Variants in HJURP observed in about 807,000 individuals in gnomAD.
HJURP encodes the protein 14-3-3-associated AKT substrate.
HJURP carries 49 observed loss-of-function variants against 72.0 expected under a neutral mutation model. The observed-to-expected ratio is 0.68, with a 90% CI of 0.54 to 0.86. The LOEUF (loss-of-function observed/expected upper bound fraction) is 0.86, where lower values mean the gene tolerates loss of function less well. Among genes scored for constraint, HJURP ranks in the 40% least tolerant of loss-of-function variants. HJURP has a pLI of 0.00. For missense variants in HJURP, 908 were observed against 936.3 expected, an observed-to-expected ratio of 0.97 and a Z score of 0.39; for synonymous variants, 357 against 347.1, an observed-to-expected ratio of 1.03 and a Z score of -0.32.
chr2:233,854,226 G>C (rs1189628037), intron 1 of HJURP, among the ~76,000 whole-genome samples, 158 bp downstream of exon 1: 1 of 152,018 alleles, frequency 6.6e-6, no homozygotes, highest in African/African-American at 2.4e-5. Flanking sequence ...GGAGCCCCCA[G>C]CTCCGCCTCC....
In HJURP at chr2:233,842,169, T is replaced by G. The variant is rs1408413282; in HGVS notation, c.611A>C (p.Asp204Ala). 3.7e-6 allele frequency: 6 copies of G among 1,613,568 alleles called. No individual in the cohort carries two copies. Among genetic ancestry groups the G allele is most frequent in the Non-Finnish European group, 5.1e-6 (6 of 1,179,672 alleles). ...GGGAGATGAAGCTGGTTTCGCTGGG[T>G]CACCAGGACTCTTTCTGGAGATACG... ...CSRISRKSPG[D>A]PAKPASSPRE... The change falls in exon 8 of 9, where the codon GAC becomes GCC. Residue 204 changes from aspartate to alanine, a missense_variant. Physicochemically the swap from Asp to Ala is moderately radical, Grantham distance 126. Transcript: ENST00000411486.
At chr2:233,852,893 T>G (rs1490965751) in intron 2 of HJURP, among the ~76,000 whole-genome samples, 1 of 152,208 alleles carries the variant, frequency 6.6e-6, no homozygotes, top group African/African-American at 2.4e-5. Flanking sequence ...AAGGAACATA[T>G]GACAGCGACT....
At chr2:233,847,250 G>A (rs1259684765) in intron 5 of HJURP, 147 bp downstream of exon 5, 1 of 657,468 alleles carries the variant, frequency 1.5e-6, no homozygotes, top group African/African-American at 1.8e-5. Context: ...GGAAATCCGA[G>A]ACTTGGAAGT....
chr2:233,837,770 A>G, intron 8 of HJURP, 118 bp from the exon 9 acceptor site: 1 of 682,954 alleles, frequency 1.5e-6, no homozygotes, highest in Non-Finnish European at 2.5e-6. Flanking sequence ...AAATACTTAT[A>G]GAAAGTGGCA....
Position 233,841,418 on chromosome 2 carries a change from G to A in HJURP, c.1362C>T (p.Arg454=). The change falls in exon 8 of 9, where the codon CGC becomes CGT. Residue 454 remains arginine (R), a synonymous_variant. Transcript: ENST00000411486. The part of the protein sequence containing the change: ...EYCLSPRNQP[R]RMCLPDSWAM... ...CCCAGGAGTCCGGGAGGCACATCCGGCGAGGCTGGTTCCTGGGACTCAGGC... is the reference window on the plus strand; with the variant it reads ...CCCAGGAGTCCGGGAGGCACATCCGACGAGGCTGGTTCCTGGGACTCAGGC... The A allele has an allele frequency of 1.2e-6, 2 of 1,614,162 alleles. No individual in the cohort carries two copies. The highest frequency in any genetic ancestry group is 1.7e-6 in the Non-Finnish European group (2 of 1,180,016).
At chr2:233,839,331 G>A (rs1317326016) in intron 8 of HJURP, among the ~76,000 whole-genome samples, 2 of 152,230 alleles carry the variant, frequency 1.3e-5, no homozygotes, top group East Asian at 1.9e-4. Context: ...GCAGCTGAGC[G>A]GTGGGTGGAG....
chr2:233,839,230 C>A (rs1351393938), intron 8 of HJURP, among the ~76,000 whole-genome samples: 1 of 152,238 alleles, frequency 6.6e-6, no homozygotes, highest in African/African-American at 2.4e-5. Flanking sequence ...AGCCGCTAAC[C>A]CATGAGACTG....
chr2:233,837,269 G>T lies in HJURP; in HGVS notation c.*308C>A. ...CCACCGCACTCCAGCCTGGGCGATA[G>T]AGAGAGACTGTCTCAAAAACAAACA... On this transcript the variant is annotated 3_prime_UTR_variant, in exon 9 of 9. Coordinates refer to ENST00000411486, the MANE Select transcript of HJURP (RefSeq NM_018410.5). 1 of 343,818 alleles carries T rather than the reference G, an allele frequency of 2.9e-6. No homozygotes were observed. 21.3% of individuals were successfully genotyped at this position (343,818 alleles called of 1,614,324 possible).
At position 233,842,200 on chromosome 2, in the gene HJURP, A is replaced by G. The variant is rs1346596315; in HGVS notation, c.580T>C (p.Cys194Arg). 5 of 1,605,066 alleles carry G rather than the reference A, an allele frequency of 3.1e-6. No individual in the cohort carries two copies. Among genetic ancestry groups the G allele is most frequent in the African/African-American group, 2.7e-5 (2 of 74,530 alleles). The change falls in exon 8 of 9, where the codon TGC (cysteine) becomes CGC (arginine). Residue 194 changes from cysteine (C) to arginine (R), a missense_variant. Cys to Arg is a radical substitution (Grantham distance 180, BLOSUM62 -3). Transcript: ENST00000411486. ...GGACTCTTTCTGGAGATACGACTGC[A>G]GTATCCTGGGAGAAAAGATACACAT... ...ASPAVPAPGY[C>R]SRISRKSPGD...
In HJURP at chr2:233,854,512, A is replaced by G. The variant is rs745630208; in HGVS notation, c.-12T>C. ...AGCGTACCCAGCATCGGACCCAGCC[A>G]GTACCCAAGCGCCAACCCGGACTGC... On this transcript the variant is annotated 5_prime_UTR_variant, in exon 1 of 9. Coordinates refer to ENST00000411486, the MANE Select transcript of HJURP (RefSeq NM_018410.5). 1.1e-5 allele frequency: 17 copies of G among 1,597,474 alleles called. No individual in the cohort carries two copies. The highest frequency in any genetic ancestry group is 6.9e-5 in the Admixed American group (4 of 57,796).
At chr2:233,838,002 G>C (rs1480585107) in intron 8 of HJURP, among the ~76,000 whole-genome samples, 1 of 152,198 alleles carries the variant, frequency 6.6e-6, no homozygotes, top group Non-Finnish European at 1.5e-5. Context: ...CTATTGGACA[G>C]AATCGATCTA....
Position 233,841,872 on chromosome 2 carries a change from C to T in HJURP, c.908G>A (p.Ser303Asn). The part of the protein sequence containing the change: ...WNSRRRHRYK[S>N]RMNKTYCKGA... ...TTTGCAATATGTTTTGTTCATCCTG[C>T]TCTTATATCTGTGCCTCCTCCTGGA... Residue 303 changes from serine to asparagine, a missense_variant, in exon 8 of 9, where the codon AGC (serine) becomes AAC (asparagine). Around this residue, in one of 3 missense-constraint regions of HJURP, gnomAD observed 598 missense variants for 619.5 expected, o/e 0.97. Transcript: ENST00000411486. 1 of 1,614,204 alleles carries T rather than the reference C, an allele frequency of 6.2e-7. No homozygotes were observed. The highest frequency in any genetic ancestry group is 8.5e-7 in the Non-Finnish European group (1 of 1,180,034).
intron 3 of HJURP, among the ~76,000 whole-genome samples, chr2:233,850,223 C>T (rs1447521601): frequency 6.6e-6 from 1 of 152,242 alleles, no homozygotes; most frequent in Non-Finnish European, 1.5e-5. Context: ...CTGAGGTCAT[C>T]AGCGAGAACA....
chr2:233,847,634 G>A (rs1705399092), intron 4 of HJURP, among the ~76,000 whole-genome samples, 173 bp from the exon 5 acceptor site: 1 of 152,194 alleles, frequency 6.6e-6, no homozygotes, highest in South Asian at 2.1e-4. Context: ...GTAACCCAGA[G>A]AACCCCTAGA....
At position 233,849,828 on chromosome 2, in the gene HJURP, T is replaced by C; in HGVS notation, c.272A>G (p.Asp91Gly). ...DSSMKPADRT[D>G]GSVQAAAWGP... ...CCAGGCTGCAGCTTGCACGGAGCCATCTGTCCTGTCCGCGGGCTTCATGGA... is the reference window on the plus strand; with the variant it reads ...CCAGGCTGCAGCTTGCACGGAGCCACCTGTCCTGTCCGCGGGCTTCATGGA... Residue 91 changes from aspartate to glycine, a missense_variant, in exon 4 of 9, where the codon GAT becomes GGT. Asp to Gly is a moderately conservative substitution (Grantham distance 94). Coordinates refer to ENST00000411486, the MANE Select transcript of HJURP (RefSeq NM_018410.5). The C allele has an allele frequency of 6.4e-7, 1 of 1,553,722 alleles. No individual in the cohort carries two copies. The highest frequency in any genetic ancestry group is 8.7e-7 in the Non-Finnish European group (1 of 1,147,966).
rs762426303 is a variant in HJURP at position 233,854,467 on chromosome 2, C to A, written c.34G>T (p.Asp12Tyr). 134 of 1,612,658 alleles carry A rather than the reference C, an allele frequency of 8.3e-5. No individual in the cohort carries two copies. Among genetic ancestry groups the A allele is most frequent in the Non-Finnish European group, 1.0e-4 (120 of 1,179,532 alleles). The change falls in exon 1 of 9, where the codon GAC becomes TAC. Residue 12 changes from aspartate (D) to tyrosine (Y), a missense_variant. Asp to Tyr is a radical substitution (Grantham distance 160, BLOSUM62 -3). Around this residue, in one of 3 missense-constraint regions of HJURP, gnomAD observed 299 missense variants for 286.7 expected, o/e 1.04. Coordinates refer to ENST00000411486, the MANE Select transcript of HJURP (RefSeq NM_018410.5). ...TGCAGCAGCTGGTCGTCTTCCACGT[C>A]CTCGCCCTCCATGGCGCGCAGCGTA... ...LGTLRAMEGE[D>Y]VEDDQLLQKL...
At position 233,846,241 on chromosome 2, in the gene HJURP, C is replaced by T; in HGVS notation, c.403-421G>A. Reference sequence around the variant, plus strand: ...GCTGAGGCAGGTGGATCACTTGAGGCCAGGAGTTCGAGACCAGCCTGGCCA... The same window carrying T: ...GCTGAGGCAGGTGGATCACTTGAGGTCAGGAGTTCGAGACCAGCCTGGCCA... On this transcript the variant is annotated intron_variant, in intron 5 of 8. Transcript: ENST00000411486. The surrounding 1 kb of genome is among the most constrained non-coding windows in gnomAD (Gnocchi z 4.3). 6.4e-6 allele frequency: 1 copy of T among 156,614 alleles called. No individual in the cohort carries two copies. Among genetic ancestry groups the T allele is most frequent in the Non-Finnish European group, 1.4e-5 (1 of 70,944 alleles). The allele number at this position is 156,614 out of a possible 1,614,324, so 9.7% of individuals were successfully genotyped here. A position where few individuals can be genotyped will look rare whatever the true frequency, so the allele number is the denominator to read the frequency against.
intron 7 of HJURP, among the ~76,000 whole-genome samples, chr2:233,843,646 G>A (rs182271059): frequency 2.0e-5 from 3 of 152,286 alleles, no homozygotes; most frequent in East Asian, 3.9e-4. Context: ...TAAACGCAAC[G>A]GTGGTACCAG....
rs777953619 is a variant in HJURP at position 233,849,879 on chromosome 2, T to C, written c.241-20A>G. The C allele has an allele frequency of 1.7e-5, 24 of 1,445,612 alleles. No individual in the cohort carries two copies. The highest frequency in any genetic ancestry group is 2.2e-5 in the Non-Finnish European group (23 of 1,052,478). 89.5% of individuals were successfully genotyped at this position (1,445,612 alleles called of 1,614,324 possible). A position where few individuals can be genotyped will look rare whatever the true frequency, so the allele number is the denominator to read the frequency against. ...GGAGTCCTCCAAGTGCAGAAGCCAATAAAAACATGGTTGTTTGAGTGACAG... is the reference window on the plus strand; with the variant it reads ...GGAGTCCTCCAAGTGCAGAAGCCAACAAAAACATGGTTGTTTGAGTGACAG... On this transcript the variant is annotated intron_variant, in intron 3 of 8. Coordinates refer to ENST00000411486, the MANE Select transcript of HJURP (RefSeq NM_018410.5).
Sources: allele counts gnomAD v4.1 joint callset (sites outside exome capture counted in the v4.1 genomes callset), GRCh38; gene constraint gnomAD v4.1.1; regional missense constraint gnomAD v4.1.1; non-coding constraint Gnocchi (gnomAD v3.1); transcripts MANE v1.5; gene names NCBI Gene and HGNC (gene_info 2026-07-23, HGNC 2026-07-21).